Variants in PAFAH1B2 observed in about 807,000 individuals in gnomAD.
PAFAH1B2 encodes platelet activating factor acetylhydrolase 1b catalytic subunit 2.
PAFAH1B2 carries 8 observed loss-of-function variants against 28.0 expected under a neutral mutation model. The observed-to-expected ratio is 0.29, with a 90% CI of 0.17 to 0.52. PAFAH1B2 has a LOEUF of 0.52. PAFAH1B2 is among the 20% of genes least tolerant of loss of function. The pLI is 0.97. For missense variants in PAFAH1B2, 190 were observed against 282.6 expected, an observed-to-expected ratio of 0.67 and a Z score of 2.35; for synonymous variants, 104 against 103.2, an observed-to-expected ratio of 1.01 and a Z score of -0.05.
intron 3 of PAFAH1B2, among the ~76,000 whole-genome samples, chr11:117,160,918 G>GAA (rs1302318917): frequency 6.6e-6 from 1 of 152,018 alleles, no homozygotes; most frequent in African/African-American, 2.4e-5. Flanking sequence ...ATACCTTTTA[G>GAA]GGGGCATCAG....
At position 117,176,196 on chromosome 11, in the gene PAFAH1B2, A is replaced by ACCCCT; in HGVS notation, c.*1298_*1299insCCCCT. The ACCCCT allele has an allele frequency of 8.1e-6, 4 of 495,768 alleles. No homozygotes were observed. In the Admixed American group the frequency reaches 1.5e-4, roughly 19 times the overall value. 30.7% of individuals were successfully genotyped at this position (495,768 alleles called of 1,614,324 possible). A position where few individuals can be genotyped will look rare whatever the true frequency, so the allele number is the denominator to read the frequency against. On this transcript the variant is annotated 3_prime_UTR_variant, in exon 6 of 6. Transcript: ENST00000419197. The stretch of plus-strand genomic sequence containing the variant: ...GAGGGGTTGGCCAAGGAAACCCATA[A>ACCCCT]GGTTATCTTCCAGCTGACTTTCTAA...
At chr11:117,171,565 C>A, downstream of PAFAH1B2, 1 of 690,046 alleles carries the variant, frequency 1.4e-6, no homozygotes, top group Non-Finnish European at 2.5e-6. Flanking sequence ...AGTGTTACTA[C>A]AGCATAGAGG....
At chr11:117,162,447 ATTTT>A (rs11463525) in intron 4 of PAFAH1B2, among the ~76,000 whole-genome samples, 2 of 143,270 alleles carry the variant, frequency 1.4e-5, no homozygotes, top group Admixed American at 7.0e-5. Context: ...CGAGACTGTG[ATTTT>A]TTTTTTTTTT....
Position 117,169,346 on chromosome 11 carries a change from T to C in PAFAH1B2, c.*1647T>C, listed in dbSNP as rs1956593239. 1 of 1,050,116 alleles carries C rather than the reference T, an allele frequency of 9.5e-7. No individual in the cohort carries two copies. Among genetic ancestry groups the C allele is most frequent in the Non-Finnish European group, 1.1e-6 (1 of 869,836 alleles). The allele number at this position is 1,050,116 out of a possible 1,614,324, so 65.0% of individuals were successfully genotyped here. A position where few individuals can be genotyped will look rare whatever the true frequency, so the allele number is the denominator to read the frequency against. On this transcript the variant is annotated 3_prime_UTR_variant, in exon 6 of 6. Transcript: ENST00000527958. ...ATTTTATCAGTATACCTGTGGAATA[T>C]GTACAAACTGGATCTATAGATATTT...
chr11:117,152,631 T>C, intron 2 of PAFAH1B2, 103 bp downstream of exon 2: 1 of 813,106 alleles, frequency 1.2e-6, no homozygotes, highest in Non-Finnish European at 2.1e-6. Context: ...TTGCCCAGGC[T>C]GATCTCAAAC....
At chr11:117,159,713 TGA>T (rs1239178590) in intron 2 of PAFAH1B2, 2 of 465,924 alleles carry the variant, frequency 4.3e-6, no homozygotes, top group Non-Finnish European at 7.7e-6. Flanking sequence ...CCAGCCTGGG[TGA>T]GAGAGCCAGA....
rs530050027 is a variant in PAFAH1B2 at position 117,160,041 on chromosome 11, G to A, written c.171+18G>A. ...AATATGAGGTAAAGGTGGAAGGGATGAGCGTGGTTCTTGGCTACTCATGTA... is the reference window on the plus strand; with the variant it reads ...AATATGAGGTAAAGGTGGAAGGGATAAGCGTGGTTCTTGGCTACTCATGTA... On this transcript the variant is annotated intron_variant, in intron 3 of 5. Coordinates refer to ENST00000527958, the MANE Select transcript of PAFAH1B2 (RefSeq NM_002572.4). 203 of 1,568,496 alleles carry A rather than the reference G, an allele frequency of 1.3e-4. 2 individuals carry two copies. In the South Asian group the frequency reaches 2.1e-3, roughly 16 times the overall value.
intron 1 of PAFAH1B2, among the ~76,000 whole-genome samples, chr11:117,145,015 A>G (rs186552404): frequency 4.2e-4 from 64 of 152,116 alleles, no homozygotes; most frequent in African/African-American, 1.4e-3. Context: ...GCCTCTTAGG[A>G]TGTGTTTATT....
intron 5 of PAFAH1B2, among the ~76,000 whole-genome samples, chr11:117,165,599 ATACTGTGTGCTGT>A (rs948690975): frequency 1.3e-5 from 2 of 152,212 alleles, no homozygotes; most frequent in Non-Finnish European, 2.9e-5. Flanking sequence ...CAGAATTATT[ATACTGTGTGCTGT>A]TTAGAGTAAG....
At chr11:117,164,907 G>A (rs578035757) in intron 5 of PAFAH1B2, among the ~76,000 whole-genome samples, 167 of 150,632 alleles carry the variant, frequency 1.1e-3, no homozygotes, top group Non-Finnish European at 1.8e-3. Flanking sequence ...GTGGTGGCAC[G>A]TGCCTGTAAT....
chr11:117,155,780 G>T (rs577380027), intron 2 of PAFAH1B2, among the ~76,000 whole-genome samples: 1 of 152,192 alleles, frequency 6.6e-6, no homozygotes, highest in Admixed American at 6.6e-5. Context: ...AGTGTGACCT[G>T]GGAGGCTGAG....
chr11:117,174,559 A>G (rs1591761051), downstream of PAFAH1B2, among the ~76,000 whole-genome samples: 1 of 149,696 alleles, frequency 6.7e-6, no homozygotes, highest in African/African-American at 2.5e-5. Context: ...GCTCACCGCA[A>G]CCTCTGCCTC....
intron 4 of PAFAH1B2, among the ~76,000 whole-genome samples, chr11:117,162,746 T>C (rs1038227667): frequency 6.6e-6 from 1 of 151,600 alleles, no homozygotes; most frequent in Non-Finnish European, 1.5e-5. Flanking sequence ...AGAGGAAGAC[T>C]CCGTTTCAAA....
downstream of PAFAH1B2, chr11:117,175,884 C>A: frequency 1.3e-6 from 2 of 1,534,766 alleles, no homozygotes; most frequent in Non-Finnish European, 1.7e-6. Context: ...CAATGTATCA[C>A]GAGTGTTTCT....
chr11:117,144,716 C>T (rs974466609), intron 1 of PAFAH1B2, among the ~76,000 whole-genome samples: 2 of 152,120 alleles, frequency 1.3e-5, no homozygotes, highest in Non-Finnish European at 2.9e-5. Context: ...ACGGCCTTTC[C>T]CAGGAGGGTA....
At chr11:117,150,681 T>C (rs1015519758) in intron 1 of PAFAH1B2, among the ~76,000 whole-genome samples, 2 of 152,176 alleles carry the variant, frequency 1.3e-5, no homozygotes, top group Non-Finnish European at 2.9e-5. Flanking sequence ...TGAATGAATA[T>C]AACTCGATCT....
chr11:117,172,382 ATATATATATATATATATATATATTTT>A (rs1956681359), downstream of PAFAH1B2, among the ~76,000 whole-genome samples: 11 of 2,770 alleles, frequency 4.0e-3, no homozygotes, highest in Admixed American at 0.047. Flanking sequence ...ATATATATAT[ATATATATATATATATATATATATTTT>A]TTTTTTTTTT....
rs1288730263 is a variant in PAFAH1B2, at chr11:117,163,908, T to G, written c.411+16T>G. ...CATTGTATTGGTATGTAGTCGTTGG[T>G]GGGTAGAGAGTTTGTTATCTTTAGG... On this transcript the variant is annotated intron_variant, in intron 5 of 5. Coordinates refer to ENST00000527958, the MANE Select transcript of PAFAH1B2 (RefSeq NM_002572.4). 6.2e-7 allele frequency: 1 copy of G among 1,612,058 alleles called. No individual in the cohort carries two copies. The highest frequency in any genetic ancestry group is 2.2e-5 in the East Asian group (1 of 44,858).
At chr11:117,155,808 G>A (rs2134185846) in intron 2 of PAFAH1B2, among the ~76,000 whole-genome samples, 1 of 152,140 alleles carries the variant, frequency 6.6e-6, no homozygotes, top group South Asian at 2.1e-4. Flanking sequence ...GATTGCTTAA[G>A]CACAGGAGTT....
Sources: allele counts gnomAD v4.1 joint callset (sites outside exome capture counted in the v4.1 genomes callset), GRCh38; gene constraint gnomAD v4.1.1; transcripts MANE v1.5; gene names NCBI Gene and HGNC (gene_info 2026-07-23, HGNC 2026-07-21).